RANBP2: variants seen among roughly 807,000 people sequenced by gnomAD.
The protein encoded by RANBP2 is RAN binding protein 2, also known as E3 SUMO-protein ligase RanBP2.
In RANBP2, 57 loss-of-function variants were observed where a neutral mutation model predicts 303.6. The ratio of observed to expected loss-of-function variants is 0.19; its 90% CI spans 0.15 to 0.23. The LOEUF (loss-of-function observed/expected upper bound fraction) is 0.23. RANBP2 is among the 10% of genes least tolerant of loss of function. The probability of loss-of-function intolerance (pLI) is 1.00; values close to 1 mark genes in which losing one functional copy is unlikely to be tolerated. For synonymous variants in RANBP2, 1,167 were observed against 1,301.5 expected, an observed-to-expected ratio of 0.90 and a Z score of 2.23; for missense variants, 3,138 against 3,780.8, an observed-to-expected ratio of 0.83 and a Z score of 4.46.
the RANBP2 span, among the ~76,000 whole-genome samples, chr2:109,125,469 C>A: frequency 1.9e-4 from 29 of 152,356 alleles, no homozygotes; most frequent in Non-Finnish European, 4.0e-4. Context: ...AACTGAAACT[C>A]ATGGATGAGG....
chr2:109,641,463 A>T, the RANBP2 span, among the ~76,000 whole-genome samples: 1 of 152,202 alleles, frequency 6.6e-6, no homozygotes, highest in Non-Finnish European at 1.5e-5. Context: ...ACCCTTGAAG[A>T]CATGATGCTG....
At chr2:109,664,993 C>A in the RANBP2 span, among the ~76,000 whole-genome samples, 1 of 151,638 alleles carries the variant, frequency 6.6e-6, no homozygotes, top group Admixed American at 6.6e-5. Flanking sequence ...TCAATGCATA[C>A]CTACACATAG....
the RANBP2 span, among the ~76,000 whole-genome samples, chr2:109,050,061 C>T: frequency 0.23 from 34,857 of 151,884 alleles, 4,944 homozygotes; most frequent in Non-Finnish European, 0.31. Flanking sequence ...GTCTCTTGGG[C>T]CCTCTTAAGA....
chr2:109,159,300 C>G, the RANBP2 span, among the ~76,000 whole-genome samples: 2 of 152,220 alleles, frequency 1.3e-5, no homozygotes, highest in East Asian at 3.8e-4. Context: ...AGGACCGCTG[C>G]TGTACCGCGG....
At chr2:109,293,093 G>T in the RANBP2 span, among the ~76,000 whole-genome samples, 1 of 152,198 alleles carries the variant, frequency 6.6e-6, no homozygotes, top group East Asian at 1.9e-4. Context: ...AAGCAGGAAG[G>T]ACTGTCTCGC....
chr2:109,374,124 A>C, the RANBP2 span, among the ~76,000 whole-genome samples: 1 of 151,810 alleles, frequency 6.6e-6, no homozygotes, highest in African/African-American at 2.4e-5. Flanking sequence ...ACACCCCCTC[A>C]CAGGTTCTGC....
In RANBP2 at chr2:108,764,969, C is replaced by G. The variant is rs1677011800; in HGVS notation, c.4430C>G (p.Ser1477Cys). 1 of 1,613,902 alleles carries G rather than the reference C, an allele frequency of 6.2e-7. No individual in the cohort carries two copies. The highest frequency in any genetic ancestry group is 1.1e-5 in the South Asian group (1 of 91,088). Reference sequence around the variant, plus strand: ...AACAGTGATTTCAGATCTGTTTTTTCTACAAAGGAAGGACAGTGGGATTGC... The same window carrying G: ...AACAGTGATTTCAGATCTGTTTTTTGTACAAAGGAAGGACAGTGGGATTGC... ...PINSDFRSVFSTKEGQWDCSA... is the reference protein window; with the variant it reads ...PINSDFRSVFCTKEGQWDCSA... The change falls in exon 20 of 29, where the codon TCT (serine) becomes TGT (cysteine). Residue 1477 changes from serine to cysteine, a missense_variant. Ser to Cys is a moderately radical substitution (Grantham distance 112). Transcript: ENST00000283195.
chr2:109,437,225 C>A, the RANBP2 span: 4 of 1,503,658 alleles, frequency 2.7e-6, no homozygotes, highest in Non-Finnish European at 3.6e-6. Flanking sequence ...ACATCTTGGC[C>A]CAAGGCTCCA....
Position 108,782,316 on chromosome 2 carries a change from A to G in RANBP2, c.8949A>G (p.Ala2983=). The G allele has an allele frequency of 6.2e-7, 1 of 1,614,216 alleles. No homozygotes were observed. Among genetic ancestry groups the G allele is most frequent in the Admixed American group, 1.7e-5 (1 of 60,034 alleles). Residue 2983 remains alanine (A), a synonymous_variant, in exon 27 of 29, where the codon GCA becomes GCG. Coordinates refer to ENST00000283195, the MANE Select transcript of RANBP2 (RefSeq NM_006267.5). ...MRRDQVFKVC[A]NHVITKTMEL... ...GAGACCAGGTTTTTAAAGTGTGTGC[A>G]AACCACGTTATTACTAAAACAATGG...
the RANBP2 span, among the ~76,000 whole-genome samples, chr2:109,062,619 C>T: frequency 6.6e-6 from 1 of 152,128 alleles, no homozygotes; most frequent in African/African-American, 2.4e-5. Flanking sequence ...GCATTTTTCC[C>T]ATTTACAGAT....
the RANBP2 span, among the ~76,000 whole-genome samples, chr2:108,975,363 T>C: frequency 6.6e-6 from 1 of 152,146 alleles, no homozygotes; most frequent in Admixed American, 6.5e-5. Context: ...GCAAGGGAGC[T>C]TGTGGGTGCA....
the RANBP2 span, among the ~76,000 whole-genome samples, chr2:109,077,590 G>A: frequency 1.3e-5 from 2 of 150,394 alleles, no homozygotes; most frequent in Admixed American, 1.3e-4. Flanking sequence ...AAATATATTA[G>A]GTACACATAT....
chr2:109,633,002 G>A, the RANBP2 span, among the ~76,000 whole-genome samples: 2 of 152,182 alleles, frequency 1.3e-5, no homozygotes, highest in Admixed American at 1.3e-4. Flanking sequence ...ATGGCTTGGA[G>A]GAGGGGAACT....
At chr2:109,582,024 A>G in the RANBP2 span, among the ~76,000 whole-genome samples, 2 of 151,890 alleles carry the variant, frequency 1.3e-5, no homozygotes, top group Non-Finnish European at 2.9e-5. Context: ...TCTGTATATC[A>G]ATAATGGTCA....
At chr2:109,748,789 C>T in the RANBP2 span, among the ~76,000 whole-genome samples, 18 of 151,048 alleles carry the variant, frequency 1.2e-4, no homozygotes, top group Admixed American at 6.6e-5. Context: ...AGGAGAATCG[C>T]TTGAACCCAG....
At chr2:108,993,184 G>A in the RANBP2 span, among the ~76,000 whole-genome samples, 1 of 152,198 alleles carries the variant, frequency 6.6e-6, no homozygotes, top group South Asian at 2.1e-4. Context: ...AAGGAAAGTT[G>A]ACCAAGACTT....
intron 12 of RANBP2, among the ~76,000 whole-genome samples, chr2:108,752,707 G>A (rs1194480173): frequency 6.6e-6 from 1 of 151,616 alleles, no homozygotes; most frequent in Non-Finnish European, 1.5e-5. Flanking sequence ...GCAAGAGAAT[G>A]GTGTGAACCC....
the RANBP2 span, among the ~76,000 whole-genome samples, chr2:109,475,302 G>T: frequency 6.6e-6 from 1 of 152,186 alleles, no homozygotes; most frequent in Non-Finnish European, 1.5e-5. Flanking sequence ...ATCTCCGAGG[G>T]CTACAGGACT....
At chr2:109,706,347 C>T in the RANBP2 span, among the ~76,000 whole-genome samples, 2 of 152,248 alleles carry the variant, frequency 1.3e-5, no homozygotes, top group Admixed American at 6.5e-5. Flanking sequence ...CCACTTCAGC[C>T]CACTGGCCCT....
Sources: allele counts gnomAD v4.1 joint callset (sites outside exome capture counted in the v4.1 genomes callset), GRCh38; gene constraint gnomAD v4.1.1; transcripts MANE v1.5; gene names NCBI Gene and HGNC (gene_info 2026-07-23, HGNC 2026-07-21).